HAPLN4: variants seen among roughly 807,000 people sequenced by gnomAD.
The protein encoded by HAPLN4 is brain link protein 2.
HAPLN4 carries 19 observed loss-of-function variants against 28.0 expected under a neutral mutation model. The observed-to-expected ratio is 0.68, with a 90% CI of 0.47 to 1.00. HAPLN4 has a LOEUF of 1.00. HAPLN4 is among the 50% of genes least tolerant of loss of function. HAPLN4 has a pLI of 0.00. For missense variants in HAPLN4, 587 were observed against 602.6 expected (o/e 0.97, Z 0.27); for synonymous variants, 274 against 273.0 (o/e 1.00, Z -0.03).
Position 19,262,596 on chromosome 19 carries a change from C to T in HAPLN4, c.3+134G>A, listed in dbSNP as rs2060987842. 30 of 1,086,856 alleles carry T rather than the reference C, an allele frequency of 2.8e-5. No homozygotes were observed. In the South Asian group the frequency reaches 4.0e-4, roughly 15 times the overall value. The allele number at this position is 1,086,856 out of a possible 1,614,324, so 67.3% of individuals were successfully genotyped here. A position where few individuals can be genotyped will look rare whatever the true frequency, so the allele number is the denominator to read the frequency against. ...AACCTAGAGTGCCAAAAAGAGAGAT[C>T]AAAGAGGGTGAGAGACAGAGAAAAG... On this transcript the variant is annotated intron_variant, in intron 1 of 4. Transcript: ENST00000291481.
rs2146569184 is a variant in HAPLN4, at chr19:19,258,383, C to T, written c.817+140G>A. 1.8e-6 allele frequency: 2 copies of T among 1,102,838 alleles called. No individual in the cohort carries two copies. Among genetic ancestry groups the T allele is most frequent in the East Asian group, 2.6e-5 (1 of 38,922 alleles). The allele number at this position is 1,102,838 out of a possible 1,614,324, so 68.3% of individuals were successfully genotyped here. ...AGCCTAGGCCCAACCAGCGTTGGTA[C>T]CAGGCGGTGTGTGCTGCGCCTAGGC... On this transcript the variant is annotated intron_variant, in intron 4 of 4. Coordinates refer to ENST00000291481, the MANE Select transcript of HAPLN4 (RefSeq NM_023002.3). The surrounding 1 kb of genome is among the most constrained non-coding windows in gnomAD (Gnocchi z 6.2).
rs2060968492 is a variant in HAPLN4 at position 19,257,332 on chromosome 19, G to C, written c.*485C>G. On this transcript the variant is annotated 3_prime_UTR_variant, in exon 5 of 5. Transcript: ENST00000291481. Reference sequence around the variant, plus strand: ...TTCCTGTAGTCTCTCCAGGTGAGGAGGAGGGGGAGGAGGAGGCGCCCAGTG... The same window carrying C: ...TTCCTGTAGTCTCTCCAGGTGAGGACGAGGGGGAGGAGGAGGCGCCCAGTG... 6.5e-6 allele frequency: 1 copy of C among 154,570 alleles called. No homozygotes were observed. Among genetic ancestry groups the C allele is most frequent in the African/African-American group, 2.4e-5 (1 of 41,536 alleles). The allele number at this position is 154,570 out of a possible 1,614,324, so 9.6% of individuals were successfully genotyped here. A position where few individuals can be genotyped will look rare whatever the true frequency, so the allele number is the denominator to read the frequency against.
rs535132106 is a variant in HAPLN4, at chr19:19,255,952, C to G, written c.*1865G>C. ...GGATGGCCTTGTCCATGGATCATGT[C>G]CCCCCAGCTGCCTGTCAACGCCGAG... is the stretch of plus-strand genomic sequence containing the variant. On this transcript the variant is annotated 3_prime_UTR_variant, in exon 5 of 5. Coordinates refer to ENST00000291481, the MANE Select transcript of HAPLN4 (RefSeq NM_023002.3). 102 of 152,418 alleles carry G rather than the reference C, an allele frequency of 6.7e-4. No homozygotes were observed. Among genetic ancestry groups the G allele is most frequent in the African/African-American group, 2.3e-3 (94 of 41,576 alleles). The allele number at this position is 152,418 out of a possible 1,614,324, so 9.4% of individuals were successfully genotyped here.
Position 19,256,471 on chromosome 19 carries a change from GTC to G in HAPLN4, c.*1344_*1345del, listed in dbSNP as rs980794863. 6.5e-6 allele frequency: 1 copy of G among 152,688 alleles called. No individual in the cohort carries two copies. Among genetic ancestry groups the G allele is most frequent in the Non-Finnish European group, 1.5e-5 (1 of 68,060 alleles). The allele number at this position is 152,688 out of a possible 1,614,324, so 9.5% of individuals were successfully genotyped here. On this transcript the variant is annotated 3_prime_UTR_variant, in exon 5 of 5. Coordinates refer to ENST00000291481, the MANE Select transcript of HAPLN4 (RefSeq NM_023002.3). ...GGTTGTCATGAGGACAACGTTGACAGTCTCTATGGCAACAGCTTGGTGAACAG... is the reference window on the plus strand; with the variant it reads ...GGTTGTCATGAGGACAACGTTGACAGTCTATGGCAACAGCTTGGTGAACAG...
Position 19,256,580 on chromosome 19 carries a change from A to C in HAPLN4, c.*1237T>G, listed in dbSNP as rs2060966329. The C allele has an allele frequency of 6.6e-6, 1 of 152,636 alleles. No individual in the cohort carries two copies. The highest frequency in any genetic ancestry group is 2.1e-4 in the South Asian group (1 of 4,828). 9.5% of individuals were successfully genotyped at this position (152,636 alleles called of 1,614,324 possible). A position where few individuals can be genotyped will look rare whatever the true frequency, so the allele number is the denominator to read the frequency against. Reference sequence around the variant, plus strand: ...TCCAGAGTTTGGTCACCATGGCAACAGTGGTGGGGTCCAAACCGCCTGGGG... The same window carrying C: ...TCCAGAGTTTGGTCACCATGGCAACCGTGGTGGGGTCCAAACCGCCTGGGG... On this transcript the variant is annotated 3_prime_UTR_variant, in exon 5 of 5. Coordinates refer to ENST00000291481, the MANE Select transcript of HAPLN4 (RefSeq NM_023002.3).
At chr19:19,260,524 C>T (rs1054585146) in intron 3 of HAPLN4, among the ~76,000 whole-genome samples, 1 of 152,202 alleles carries the variant, frequency 6.6e-6, no homozygotes, top group South Asian at 2.1e-4. Flanking sequence ...GCCTGGATCA[C>T]TCCTTGTGGG....
chr19:19,261,665 T>C, intron 1 of HAPLN4, 102 bp from the exon 2 acceptor site: 2 of 713,222 alleles, frequency 2.8e-6, no homozygotes, highest in Non-Finnish European at 2.2e-6. Flanking sequence ...AGGACCTCTC[T>C]CACGCCCATG....
rs1857060571 is a variant in HAPLN4, at chr19:19,257,335, G to C, written c.*482C>G. The C allele has an allele frequency of 1.9e-5, 3 of 154,724 alleles. No homozygotes were observed. Among genetic ancestry groups the C allele is most frequent in the Admixed American group, 6.5e-5 (1 of 15,330 alleles). 9.6% of individuals were successfully genotyped at this position (154,724 alleles called of 1,614,324 possible). On this transcript the variant is annotated 3_prime_UTR_variant, in exon 5 of 5. Transcript: ENST00000291481. Reference sequence around the variant, plus strand: ...CTGTAGTCTCTCCAGGTGAGGAGGAGGGGGAGGAGGAGGCGCCCAGTGTCC... The same window carrying C: ...CTGTAGTCTCTCCAGGTGAGGAGGACGGGGAGGAGGAGGCGCCCAGTGTCC...
chr19:19,257,980 A>G lies in HAPLN4; in HGVS notation c.1046T>C (p.Leu349Pro). The G allele has an allele frequency of 6.6e-7, 1 of 1,516,078 alleles. No individual in the cohort carries two copies. The highest frequency in any genetic ancestry group is 8.8e-7 in the Non-Finnish European group (1 of 1,139,494). The allele number at this position is 1,516,078 out of a possible 1,614,324, so 93.9% of individuals were successfully genotyped here. A position where few individuals can be genotyped will look rare whatever the true frequency, so the allele number is the denominator to read the frequency against. ...CCGTCGGGTGGCGTCCGGGAAGCCG[A>G]GGCTGCGCACACCAGGCCTGCGGCC... ...CGGRRPGVRS[L>P]GFPDATRRLF... The change falls in exon 5 of 5, where the codon CTC becomes CCC. Residue 349 changes from leucine (L) to proline (P), a missense_variant. Coordinates refer to ENST00000291481, the MANE Select transcript of HAPLN4 (RefSeq NM_023002.3).
At position 19,257,932 on chromosome 19, in the gene HAPLN4, C is replaced by G; in HGVS notation, c.1094G>C (p.Arg365Pro). The G allele has an allele frequency of 6.6e-7, 1 of 1,513,148 alleles. No homozygotes were observed. Among genetic ancestry groups the G allele is most frequent in the East Asian group, 2.6e-5 (1 of 38,282 alleles). 93.7% of individuals were successfully genotyped at this position (1,513,148 alleles called of 1,614,324 possible). The change falls in exon 5 of 5, where the codon CGC (arginine) becomes CCC (proline). Residue 365 changes from arginine to proline, a missense_variant. Transcript: ENST00000291481. ...TGCCGGGTCCGGTGCTCCTGGAGCG[C>G]GGTAGCAGTAGACGCCGAAGAGCCG... ...TRRLFGVYCYRAPGAPDPAPG... is the reference protein window; with the variant it reads ...TRRLFGVYCYPAPGAPDPAPG...
chr19:19,261,365 A>AC, intron 2 of HAPLN4, 81 bp downstream of exon 2: 3 of 1,361,206 alleles, frequency 2.2e-6, no homozygotes, highest in Non-Finnish European at 3.1e-6. Flanking sequence ...GACGTCAGGA[A>AC]CGCCCTACCC....
rs774623314 is a variant in HAPLN4 at position 19,258,868 on chromosome 19, G to T, written c.485-13C>A. 101 of 1,522,678 alleles carry T rather than the reference G, an allele frequency of 6.6e-5. No homozygotes were observed. Among genetic ancestry groups the T allele is most frequent in the Admixed American group, 2.8e-4 (14 of 50,378 alleles). The allele number at this position is 1,522,678 out of a possible 1,614,324, so 94.3% of individuals were successfully genotyped here. On this transcript the variant is annotated splice_polypyrimidine_tract_variant and intron_variant, in intron 3 of 4. Coordinates refer to ENST00000291481, the MANE Select transcript of HAPLN4 (RefSeq NM_023002.3). The surrounding 1 kb of genome is among the most constrained non-coding windows in gnomAD (Gnocchi z 6.2). ...GGAAAGACCACGCCTGGCGGGGGGC[G>T]CACGGGATCAGCAGGTACACCCCAG...
Position 19,260,956 on chromosome 19 carries a change from C to T in HAPLN4, c.341G>A (p.Gly114Glu). The T allele has an allele frequency of 6.2e-7, 1 of 1,613,850 alleles. No individual in the cohort carries two copies. The highest frequency in any genetic ancestry group is 8.5e-7 in the Non-Finnish European group (1 of 1,179,988). Reference protein sequence around the residue: ...PQHRAFGSYRGRAELQGDGPG... With the variant: ...PQHRAFGSYRERAELQGDGPG... ...CCCGTCGCCCTGCAGCTCAGCCCGC[C>T]CACGGTAGCTGCCGAATGCCCGGTG... Residue 114 changes from glycine (G) to glutamate (E), a missense_variant, in exon 3 of 5, where the codon GGG becomes GAG. Transcript: ENST00000291481.
rs150526862 is a variant in HAPLN4, at chr19:19,255,310, C to T, written c.*2507G>A. 1 of 152,112 alleles carries T rather than the reference C, an allele frequency of 6.6e-6. No individual in the cohort carries two copies. The highest frequency in any genetic ancestry group is 6.6e-5 in the Admixed American group (1 of 15,254). 9.4% of individuals were successfully genotyped at this position (152,112 alleles called of 1,614,324 possible). A position where few individuals can be genotyped will look rare whatever the true frequency, so the allele number is the denominator to read the frequency against. ...CTGTAACCCCAACACTTTGGGAGGC[C>T]GAGGTGGGTAGATCACCTGAGGTCA... On this transcript the variant is annotated 3_prime_UTR_variant, in exon 5 of 5. Coordinates refer to ENST00000291481, the MANE Select transcript of HAPLN4 (RefSeq NM_023002.3).
chr19:19,258,216 G>A lies in HAPLN4; in HGVS notation c.818-8C>T. 2 of 1,477,526 alleles carry A rather than the reference G, an allele frequency of 1.4e-6. No individual in the cohort carries two copies. The highest frequency in any genetic ancestry group is 1.8e-6 in the Non-Finnish European group (2 of 1,115,330). The allele number at this position is 1,477,526 out of a possible 1,614,324, so 91.5% of individuals were successfully genotyped here. A position where few individuals can be genotyped will look rare whatever the true frequency, so the allele number is the denominator to read the frequency against. On this transcript the variant is annotated splice_polypyrimidine_tract_variant and splice_region_variant and intron_variant, in intron 4 of 4. Coordinates refer to ENST00000291481, the MANE Select transcript of HAPLN4 (RefSeq NM_023002.3). This position sits in a 1 kb window ranked among gnomAD's most constrained non-coding sequence, Gnocchi z 6.2. ...TCAGGAAGAACACGCGCCCTGCGGGGGTGAGGTGGGGGGTGGGTTATTAGT... is the reference window on the plus strand; with the variant it reads ...TCAGGAAGAACACGCGCCCTGCGGGAGTGAGGTGGGGGGTGGGTTATTAGT...
chr19:19,258,474 T>C lies in HAPLN4; in HGVS notation c.817+49A>G, dbSNP rs770880343. The stretch of plus-strand genomic sequence containing the variant: ...CTGGGTGGGGAAGAAGGCCCCGGGG[T>C]TGGGGTAGTGTTGCAGCAGAGGCCA... On this transcript the variant is annotated intron_variant, in intron 4 of 4. Transcript: ENST00000291481. This position sits in a 1 kb window ranked among gnomAD's most constrained non-coding sequence, Gnocchi z 6.2. The C allele has an allele frequency of 5.1e-6, 8 of 1,556,244 alleles. No individual in the cohort carries two copies. The South Asian group carries it at 8.9e-5, about 17-fold the overall frequency.
intron 2 of HAPLN4, 34 bp downstream of exon 2, chr19:19,261,412 G>C: frequency 6.4e-7 from 1 of 1,569,044 alleles, no homozygotes; most frequent in Non-Finnish European, 8.8e-7. Context: ...TCTGCTTTTC[G>C]CGGAGAAGAC....
Position 19,257,812 on chromosome 19 carries a change from C to T in HAPLN4, c.*5G>A, listed in dbSNP as rs547708120. The T allele has an allele frequency of 1.0e-5, 14 of 1,397,044 alleles. No individual in the cohort carries two copies. The highest frequency in any genetic ancestry group is 3.0e-5 in the African/African-American group (2 of 66,746). 86.5% of individuals were successfully genotyped at this position (1,397,044 alleles called of 1,614,324 possible). On this transcript the variant is annotated 3_prime_UTR_variant, in exon 5 of 5. Transcript: ENST00000291481. ...AAGCGCCCTGGCTGTCCGCCTACTC[C>T]CAGCCTAGACGTGCAGAGGGGTCCA...
intron 3 of HAPLN4, among the ~76,000 whole-genome samples, chr19:19,259,214 G>C (rs967556416): frequency 6.6e-6 from 1 of 151,958 alleles, no homozygotes; most frequent in African/African-American, 2.4e-5. Context: ...CTGACATTCC[G>C]CCAGTACTGG....
Sources: allele counts gnomAD v4.1 joint callset (sites outside exome capture counted in the v4.1 genomes callset), GRCh38; gene constraint gnomAD v4.1.1; non-coding constraint Gnocchi (gnomAD v3.1); transcripts MANE v1.5; gene names NCBI Gene and HGNC (gene_info 2026-07-23, HGNC 2026-07-21).